AKT3: variants seen among roughly 807,000 people sequenced by gnomAD.
AKT3 encodes AKT serine/threonine kinase 3, also known as RAC-gamma serine/threonine-protein kinase.
AKT3 carries 15 observed loss-of-function variants against 65.3 expected under a neutral mutation model. That is an observed-to-expected ratio of 0.23 (90% CI 0.15 to 0.35). The LOEUF (loss-of-function observed/expected upper bound fraction) is 0.35, where lower values mean the gene tolerates loss of function less well. Ranked by LOEUF, AKT3 falls within the 10% of genes least tolerant of loss-of-function variation. The pLI, the probability that AKT3 is intolerant of heterozygous loss-of-function variation, is 1.00. For missense variants in AKT3, 243 were observed against 576.5 expected (o/e 0.42, Z 5.92); for synonymous variants, 206 against 183.8 (o/e 1.12, Z -0.98).
intron 8 of AKT3, among the ~76,000 whole-genome samples, chr1:243,582,578 G>C (rs1336223278): frequency 1.3e-5 from 2 of 150,956 alleles, no homozygotes; most frequent in African/African-American, 4.9e-5. Context: ...GTTACAACTA[G>C]ACCAGCCTTA....
intron 2 of AKT3, among the ~76,000 whole-genome samples, chr1:243,811,164 T>C (rs2148397548): frequency 6.6e-6 from 1 of 152,294 alleles, no homozygotes; most frequent in East Asian, 1.9e-4. Context: ...GTGTTGGAAG[T>C]TCTAGCCGGG....
intron 3 of AKT3, among the ~76,000 whole-genome samples, chr1:243,672,003 G>A (rs1008809371): frequency 5.9e-5 from 9 of 151,694 alleles, no homozygotes; most frequent in Non-Finnish European, 1.3e-4. Flanking sequence ...CACCTTCCCC[G>A]TGCTTGGCCC....
At chr1:243,545,131 G>A (rs1672571819) in intron 12 of AKT3, among the ~76,000 whole-genome samples, 1 of 152,026 alleles carries the variant, frequency 6.6e-6, no homozygotes, top group Non-Finnish European at 1.5e-5. Flanking sequence ...ACAAGGATTT[G>A]TATAAATGAA....
chr1:243,598,302 T>G (rs765757983), intron 8 of AKT3, among the ~76,000 whole-genome samples: 23 of 152,188 alleles, frequency 1.5e-4, no homozygotes, highest in Non-Finnish European at 2.4e-4. Flanking sequence ...TAATCTTATC[T>G]TTGTTCAAAA....
chr1:243,585,785 T>A (rs189880264), intron 8 of AKT3, among the ~76,000 whole-genome samples: 5 of 152,144 alleles, frequency 3.3e-5, no homozygotes, highest in African/African-American at 1.2e-4. Flanking sequence ...ACTATAAGAA[T>A]CCTAGAAGAA....
intron 8 of AKT3, among the ~76,000 whole-genome samples, chr1:243,609,873 G>GA (rs1677739981): frequency 6.6e-6 from 1 of 152,114 alleles, no homozygotes; most frequent in Admixed American, 6.5e-5. Flanking sequence ...TCCGGGTTTA[G>GA]AAAAGAAGTG....
chr1:243,497,507 C>T (rs570431758), downstream of AKT3, among the ~76,000 whole-genome samples: 17 of 151,988 alleles, frequency 1.1e-4, no homozygotes, highest in African/African-American at 3.9e-4. Context: ...TGGTGAGGCC[C>T]GTACATCTGT....
At chr1:243,602,339 A>G (rs1364059361) in intron 8 of AKT3, among the ~76,000 whole-genome samples, 2 of 152,332 alleles carry the variant, frequency 1.3e-5, no homozygotes, top group African/African-American at 4.8e-5. Context: ...GGTGAAAAAC[A>G]AAATTCTGAT....
At chr1:243,784,180 G>A (rs1040352868) in intron 2 of AKT3, among the ~76,000 whole-genome samples, 9 of 152,142 alleles carry the variant, frequency 5.9e-5, no homozygotes, top group Admixed American at 2.6e-4. Flanking sequence ...GAAGACACCC[G>A]TCCTGAGAAG....
In AKT3 at chr1:243,783,926, CA is replaced by C. The variant is rs1489031897; in HGVS notation, c.46+59198del. On this transcript the variant is annotated intron_variant, in intron 2 of 13. Coordinates refer to ENST00000673466, the MANE Select transcript of AKT3 (RefSeq NM_005465.7). ...TCCAGCTTTTTAGTAATTTTTCATCCAAAAAATACCTGTTGAATGCTAATAA... is the reference window on the plus strand; with the variant it reads ...TCCAGCTTTTTAGTAATTTTTCATCCAAAAATACCTGTTGAATGCTAATAA... Among the ~76,000 whole-genome samples the C allele has an allele frequency of 2.0e-5, 3 of 152,030 alleles. No homozygotes were observed. The East Asian group carries it at 5.8e-4, about 29-fold the overall frequency.
chr1:243,649,865 A>G (rs1344037271), intron 4 of AKT3, among the ~76,000 whole-genome samples: 1 of 152,168 alleles, frequency 6.6e-6, no homozygotes, highest in African/African-American at 2.4e-5. Flanking sequence ...ATAGTGCCGC[A>G]ATAAACATAC....
chr1:243,651,483 G>A (rs1204840614), intron 4 of AKT3, among the ~76,000 whole-genome samples: 1 of 152,034 alleles, frequency 6.6e-6, no homozygotes, highest in Non-Finnish European at 1.5e-5. Context: ...GTTTTCAAAG[G>A]GAATGCTTCC....
At chr1:243,575,235 C>T (rs1437598893) in intron 8 of AKT3, among the ~76,000 whole-genome samples, 1 of 152,200 alleles carries the variant, frequency 6.6e-6, no homozygotes, top group African/African-American at 2.4e-5. Flanking sequence ...TGACTCTCTC[C>T]TGATTTGCCT....
chr1:243,758,087 A>C (rs934426528), intron 2 of AKT3, among the ~76,000 whole-genome samples: 8 of 152,178 alleles, frequency 5.3e-5, no homozygotes, highest in African/African-American at 1.9e-4. Flanking sequence ...TAAAGCTCTT[A>C]AATAGGTTAT....
intron 11 of AKT3, among the ~76,000 whole-genome samples, chr1:243,552,457 A>T (rs555210012): frequency 1.3e-5 from 2 of 152,270 alleles, no homozygotes; most frequent in East Asian, 3.9e-4. Context: ...CAAGTAACAG[A>T]GCAATTAAGA....
intron 2 of AKT3, among the ~76,000 whole-genome samples, chr1:243,758,929 G>A (rs1299046566): frequency 6.6e-6 from 1 of 152,170 alleles, no homozygotes; most frequent in African/African-American, 2.4e-5. Context: ...AGGACTTTCG[G>A]CTTTTACTGA....
intron 2 of AKT3, among the ~76,000 whole-genome samples, chr1:243,773,888 C>T (rs1690367013): frequency 6.6e-6 from 1 of 152,170 alleles, no homozygotes; most frequent in South Asian, 2.1e-4. Flanking sequence ...TTTGGACTTT[C>T]AAGAGTCCCA....
chr1:243,726,352 G>A (rs890550448), intron 2 of AKT3, among the ~76,000 whole-genome samples: 6 of 152,084 alleles, frequency 3.9e-5, no homozygotes, highest in Admixed American at 6.6e-5. Flanking sequence ...GTTTTTTAAC[G>A]TGTGGGAAAA....
intron 8 of AKT3, among the ~76,000 whole-genome samples, chr1:243,578,350 G>A (rs944712527): frequency 6.6e-6 from 1 of 152,162 alleles, no homozygotes; most frequent in African/African-American, 2.4e-5. Flanking sequence ...ATACTATGCG[G>A]CCATAAAAAG....
Sources: gnomAD v4.1 joint callset for allele counts (sites outside exome capture counted in the v4.1 genomes callset) on GRCh38, gnomAD v4.1.1 for gene constraint, MANE v1.5 for transcripts, NCBI Gene and HGNC (gene_info 2026-07-23, HGNC 2026-07-21) for gene names.